AGAP3: variants seen among roughly 807,000 people sequenced by gnomAD.
AGAP3 encodes the protein arf-GAP with GTPase, ANK repeat and PH domain-containing protein 3.
In AGAP3, 24 loss-of-function variants were observed where a neutral mutation model predicts 96.9. That is an observed-to-expected ratio of 0.25 (90% CI 0.18 to 0.35). AGAP3 has a LOEUF of 0.35. Among genes scored for constraint, AGAP3 ranks in the 10% least tolerant of loss-of-function variants. The pLI is 1.00. For synonymous variants in AGAP3, 563 were observed against 536.1 expected, an observed-to-expected ratio of 1.05 and a Z score of -0.69; for missense variants, 876 against 1,254.2, an observed-to-expected ratio of 0.70 and a Z score of 4.55.
chr7:151,138,675 G>GC (rs575981378), intron 12 of AGAP3, among the ~76,000 whole-genome samples: 132 of 152,316 alleles, frequency 8.7e-4, no homozygotes, highest in Non-Finnish European at 1.6e-3. Flanking sequence ...ATCCCCATCA[G>GC]CCCCCCGCGC....
rs370482661 is a variant in AGAP3 at position 151,118,650 on chromosome 7, C to T, written c.969+18C>T. 27 of 1,608,570 alleles carry T rather than the reference C, an allele frequency of 1.7e-5. No individual in the cohort carries two copies. In the African/African-American group the frequency reaches 3.6e-4, roughly 21 times the overall value. ...TCAACCAGGTTCGGCCTGTGCCCCG[C>T]CCTGCCCTTCCTGTCCCCACCATGT... On this transcript the variant is annotated intron_variant, in intron 7 of 17. Coordinates refer to ENST00000397238, the MANE Select transcript of AGAP3 (RefSeq NM_031946.7). This position sits in a 1 kb window ranked among gnomAD's most constrained non-coding sequence, Gnocchi z 6.1.
chr7:151,124,785 G>A (rs1800086802), intron 9 of AGAP3, among the ~76,000 whole-genome samples: 1 of 152,180 alleles, frequency 6.6e-6, no homozygotes, highest in Admixed American at 6.5e-5. Flanking sequence ...GTTAAGGCTA[G>A]GGGTTTCTGA....
chr7:151,109,696 C>T (rs993733886), intron 1 of AGAP3, among the ~76,000 whole-genome samples: 8 of 152,180 alleles, frequency 5.3e-5, no homozygotes, highest in Non-Finnish European at 8.8e-5. Flanking sequence ...CAGGGTCCTC[C>T]GTATCTCTGA....
At chr7:151,098,166 C>G (rs1307566798) in intron 1 of AGAP3, among the ~76,000 whole-genome samples, 3 of 152,090 alleles carry the variant, frequency 2.0e-5, no homozygotes, top group African/African-American at 7.2e-5. Context: ...CAAGACCAGC[C>G]TGGCCAACAT....
At position 151,101,722 on chromosome 7, in the gene AGAP3, C is replaced by T. The variant is rs540059144; in HGVS notation, c.331+14650C>T. ...AGTGAGCAGGGAACCTGGCATCTGCCGCAGAGGAGGGGCCCAGGATAGGCC... is the reference window on the plus strand; with the variant it reads ...AGTGAGCAGGGAACCTGGCATCTGCTGCAGAGGAGGGGCCCAGGATAGGCC... On this transcript the variant is annotated intron_variant, in intron 1 of 17. Coordinates refer to ENST00000397238, the MANE Select transcript of AGAP3 (RefSeq NM_031946.7). 4.6e-5 allele frequency among the ~76,000 whole-genome samples: 7 copies of T among 152,234 alleles called. No homozygotes were observed. The South Asian group carries it at 8.3e-4, about 18-fold the overall frequency.
chr7:151,135,183 CT>C (rs1800546448), intron 11 of AGAP3, among the ~76,000 whole-genome samples: 1 of 152,194 alleles, frequency 6.6e-6, no homozygotes, highest in Admixed American at 6.5e-5. Context: ...GCCCCATGCT[CT>C]TCCAGGGTCC....
In AGAP3 at chr7:151,119,979, G is replaced by C. The variant is rs1219165588; in HGVS notation, c.970-8G>C. 6.2e-7 allele frequency: 1 copy of C among 1,613,236 alleles called. No homozygotes were observed. Among genetic ancestry groups the C allele is most frequent in the Non-Finnish European group, 8.5e-7 (1 of 1,179,860 alleles). On this transcript the variant is annotated splice_region_variant and splice_polypyrimidine_tract_variant and intron_variant, in intron 7 of 17. Coordinates refer to ENST00000397238, the MANE Select transcript of AGAP3 (RefSeq NM_031946.7). Reference sequence around the variant, plus strand: ...GGAGCTGCCCTCAGCAGCCCTCTTTGTCCTTAGGCCACGAATGGCGGCGGC... The same window carrying C: ...GGAGCTGCCCTCAGCAGCCCTCTTTCTCCTTAGGCCACGAATGGCGGCGGC...
chr7:151,115,406 G>T lies in AGAP3; in HGVS notation c.332-1387G>T, dbSNP rs6971966. The T allele has an allele frequency of 7.5e-5, 76 of 1,016,900 alleles. No homozygotes were observed. In the African/African-American group the frequency reaches 1.2e-3, roughly 16 times the overall value. 63.0% of individuals were successfully genotyped at this position (1,016,900 alleles called of 1,614,324 possible). A position where few individuals can be genotyped will look rare whatever the true frequency, so the allele number is the denominator to read the frequency against. On this transcript the variant is annotated intron_variant, in intron 1 of 17. Transcript: ENST00000397238. ...AGTCAGGGCTGCTGGCCCGGCCGCC[G>T]CGCGCGCGCACCCGTAGCGACGGCG...
rs1359881419 is a variant in AGAP3 at position 151,142,170 on chromosome 7, T to C, written c.1967T>C (p.Leu656Pro). Residue 656 changes from leucine to proline, a missense_variant, in exon 15 of 18, where the codon CTG (leucine) becomes CCG (proline). Leu to Pro is a moderately conservative substitution (Grantham distance 98, BLOSUM62 -3). Around this residue, in one of 8 missense-constraint regions of AGAP3, gnomAD observed 103 missense variants for 183.0 expected, o/e 0.56. Transcript: ENST00000397238. The surrounding 1 kb of genome is among the most constrained non-coding windows in gnomAD (Gnocchi z 7.5). ...TCTCCTGCTGTGCGACAGACTCGAC[T>C]GGGGAACCAGAACGCAGCTCTGGCT... ...GCRSAKDKTR[L>P]GNQNAALAVQ... 1.2e-6 allele frequency: 2 copies of C among 1,613,828 alleles called. No individual in the cohort carries two copies. The highest frequency in any genetic ancestry group is 1.7e-6 in the Non-Finnish European group (2 of 1,179,954).
chr7:151,090,240 G>A (rs1049418383), intron 1 of AGAP3: 5 of 151,116 alleles, frequency 3.3e-5, no homozygotes, highest in East Asian at 3.9e-4. Flanking sequence ...CCCAGATGGG[G>A]GGGGGGGGCT....
chr7:151,135,103 T>C (rs1800542682), intron 11 of AGAP3, among the ~76,000 whole-genome samples: 1 of 152,150 alleles, frequency 6.6e-6, no homozygotes, highest in Non-Finnish European at 1.5e-5. Context: ...CAGTGCTGGC[T>C]CAGGTGAAAG....
intron 1 of AGAP3, among the ~76,000 whole-genome samples, chr7:151,093,067 A>G (rs1173748320): frequency 5.3e-5 from 8 of 152,178 alleles, no homozygotes; most frequent in Non-Finnish European, 8.8e-5. Flanking sequence ...GGTAGCACGG[A>G]TGTAGCGTAC....
intron 1 of AGAP3, among the ~76,000 whole-genome samples, chr7:151,095,816 GC>G (rs560438123): frequency 1.4e-5 from 2 of 147,456 alleles, no homozygotes; most frequent in East Asian, 2.1e-4. Context: ...AGCACCCCCT[GC>G]CCCCCTGCCA....
chr7:151,117,533 G>A, intron 4 of AGAP3, 77 bp downstream of exon 4: 1 of 1,612,830 alleles, frequency 6.2e-7, no homozygotes, highest in Non-Finnish European at 8.5e-7. Context: ...GGGACTGGGA[G>A]AGGTGGTATG....
At chr7:151,113,685 C>T (rs528012440) in intron 1 of AGAP3, among the ~76,000 whole-genome samples, 199 of 152,312 alleles carry the variant, frequency 1.3e-3, no homozygotes, top group African/African-American at 4.5e-3. Context: ...ATTGAGGCAG[C>T]CAGTGGTTTC....
chr7:151,113,314 C>T (rs912232108), intron 1 of AGAP3, among the ~76,000 whole-genome samples: 2 of 152,174 alleles, frequency 1.3e-5, no homozygotes, highest in South Asian at 2.1e-4. Context: ...AGGAAGAAGC[C>T]GTCTTCACCA....
chr7:151,123,775 C>T lies in AGAP3; in HGVS notation c.1129-19C>T, dbSNP rs1800033041. ...CAGACCCTGGGCCTCTTTAACACGCCTCTTGTTTTCTCTTCCAGTCTCGGA... is the reference window on the plus strand; with the variant it reads ...CAGACCCTGGGCCTCTTTAACACGCTTCTTGTTTTCTCTTCCAGTCTCGGA... On this transcript the variant is annotated intron_variant, in intron 8 of 17. Coordinates refer to ENST00000397238, the MANE Select transcript of AGAP3 (RefSeq NM_031946.7). The T allele has an allele frequency of 6.2e-7, 1 of 1,613,032 alleles. No homozygotes were observed.
At position 151,116,786 on chromosome 7, in the gene AGAP3, TC is replaced by T; in HGVS notation, c.332-5del. 1.2e-6 allele frequency: 2 copies of T among 1,614,036 alleles called. No homozygotes were observed. The highest frequency in any genetic ancestry group is 2.2e-5 in the South Asian group (2 of 91,088). The stretch of plus-strand genomic sequence containing the variant: ...TGGCCCTGACGGGGCGGCTCTGTCT[TC>T]CGCAGACTCGTTTGTGAACAGCCAG... On this transcript the variant is annotated splice_region_variant and splice_polypyrimidine_tract_variant and intron_variant, in intron 1 of 17. Transcript: ENST00000397238.
At chr7:151,137,953 G>C (rs2150529133) in intron 11 of AGAP3, 190 bp from the exon 12 acceptor site, 1 of 587,908 alleles carries the variant, frequency 1.7e-6, no homozygotes, top group East Asian at 2.9e-5. Context: ...CTGGGGACAG[G>C]CTGCTTCCTA....
Sources: allele counts gnomAD v4.1 joint callset (sites outside exome capture counted in the v4.1 genomes callset), GRCh38; gene constraint gnomAD v4.1.1; regional missense constraint gnomAD v4.1.1; non-coding constraint Gnocchi (gnomAD v3.1); transcripts MANE v1.5; gene names NCBI Gene and HGNC (gene_info 2026-07-23, HGNC 2026-07-21).